HS3ST4: variants seen among roughly 807,000 people sequenced by gnomAD.
HS3ST4 encodes the protein heparan sulfate glucosamine 3-O-sulfotransferase 4.
Under a neutral mutation model 29.2 loss-of-function variants are expected in HS3ST4, and 17 were observed. The observed-to-expected ratio is 0.58, with a 90% CI of 0.40 to 0.87. The LOEUF (loss-of-function observed/expected upper bound fraction) is 0.87. Among genes scored for constraint, HS3ST4 ranks in the 40% least tolerant of loss-of-function variants. The probability of loss-of-function intolerance (pLI) is 0.00; values close to 1 mark genes in which losing one functional copy is unlikely to be tolerated. For missense variants in HS3ST4, 627 were observed against 634.5 expected, an observed-to-expected ratio of 0.99 and a Z score of 0.13; for synonymous variants, 314 against 285.7, an observed-to-expected ratio of 1.10 and a Z score of -1.00.
chr16:25,886,223 G>T (rs1194446012), intron 1 of HS3ST4, among the ~76,000 whole-genome samples: 1 of 151,806 alleles, frequency 6.6e-6, no homozygotes, highest in Non-Finnish European at 1.5e-5. Context: ...AGTAGAGATG[G>T]GGTTTCACCA....
At chr16:25,784,864 A>G (rs1224161112) in intron 1 of HS3ST4, among the ~76,000 whole-genome samples, 13 of 152,254 alleles carry the variant, frequency 8.5e-5, no homozygotes, top group Admixed American at 6.5e-4. Context: ...ATTCTATTGG[A>G]AGAAGATGCC....
intron 1 of HS3ST4, among the ~76,000 whole-genome samples, chr16:25,726,622 T>C (rs1014258426): frequency 2.5e-5 from 2 of 79,450 alleles, no homozygotes; most frequent in Admixed American, 3.3e-4. Context: ...GCCAGCTTTG[T>C]CTGGATATGC....
At chr16:25,947,396 A>G (rs1234449700) in intron 1 of HS3ST4, among the ~76,000 whole-genome samples, 1 of 152,162 alleles carries the variant, frequency 6.6e-6, no homozygotes, top group Non-Finnish European at 1.5e-5. Context: ...CAAAAACTCC[A>G]AATCTCAATG....
intron 1 of HS3ST4, among the ~76,000 whole-genome samples, chr16:25,848,855 G>A (rs1458659352): frequency 1.3e-5 from 2 of 151,416 alleles, no homozygotes; most frequent in Non-Finnish European, 2.9e-5. Context: ...AGCTTCCTGA[G>A]TTGAATGTTT....
Position 25,999,202 on chromosome 16 carries a change from T to C in HS3ST4, c.735-136410T>C, listed in dbSNP as rs1222456335. On this transcript the variant is annotated intron_variant, in intron 1 of 1. Transcript: ENST00000331351. ...GTTCACCTTAGGCAGGTGAGGCAGG[T>C]TGTACACTAATTCTAAAGGACACCA... Among the ~76,000 whole-genome samples the C allele has an allele frequency of 6.6e-5, 10 of 152,244 alleles. No homozygotes were observed. In the East Asian group the frequency reaches 1.9e-3, roughly 29 times the overall value.
At chr16:25,904,135 GA>G (rs1968152953) in intron 1 of HS3ST4, among the ~76,000 whole-genome samples, 1 of 120,040 alleles carries the variant, frequency 8.3e-6, no homozygotes, top group African/African-American at 3.4e-5. Context: ...TGGATGGATG[GA>G]TGGATGGATG....
chr16:25,823,022 A>T (rs1157271178), intron 1 of HS3ST4, among the ~76,000 whole-genome samples: 1 of 152,090 alleles, frequency 6.6e-6, no homozygotes, highest in Non-Finnish European at 1.5e-5. Context: ...ACAGGCGTGA[A>T]CCACTGCACC....
At chr16:25,728,953 T>A (rs1269236167) in intron 1 of HS3ST4, among the ~76,000 whole-genome samples, 1 of 151,950 alleles carries the variant, frequency 6.6e-6, no homozygotes, top group Non-Finnish European at 1.5e-5. Flanking sequence ...TATGGTGGCC[T>A]GTGCCTGTAG....
At chr16:25,947,404 A>G (rs974428528) in intron 1 of HS3ST4, among the ~76,000 whole-genome samples, 1 of 152,148 alleles carries the variant, frequency 6.6e-6, no homozygotes. Context: ...CCAAATCTCA[A>G]TGGCCCACAA....
chr16:25,964,637 G>T (rs930752499), intron 1 of HS3ST4, among the ~76,000 whole-genome samples: 7 of 152,144 alleles, frequency 4.6e-5, no homozygotes, highest in African/African-American at 9.7e-5. Flanking sequence ...GACAAGGCTG[G>T]CTCCAAAGCC....
chr16:26,061,998 T>G (rs1898481608), intron 1 of HS3ST4, among the ~76,000 whole-genome samples: 1 of 152,250 alleles, frequency 6.6e-6, no homozygotes, highest in Non-Finnish European at 1.5e-5. Context: ...TGAATCATTC[T>G]GTGGCCAGGG....
intron 1 of HS3ST4, among the ~76,000 whole-genome samples, chr16:25,772,134 G>A (rs1166573614): frequency 6.6e-6 from 1 of 152,194 alleles, no homozygotes; most frequent in Admixed American, 6.5e-5. Context: ...TGGAACACAA[G>A]CTGTAGCCCG....
Position 25,925,991 on chromosome 16 carries a change from T to C in HS3ST4, c.735-209621T>C, listed in dbSNP as rs146024806. Among the ~76,000 whole-genome samples, 458 of 152,244 alleles carry C rather than the reference T, an allele frequency of 3.0e-3. 1 individual carries two copies. Among genetic ancestry groups the C allele is most frequent in the Admixed American group, 6.7e-3 (102 of 15,284 alleles). Reference sequence around the variant, plus strand: ...GTCTGGACAGAAGCCAAATCCTTCCTATCTGTATAGTGAATATTAACCATC... The same window carrying C: ...GTCTGGACAGAAGCCAAATCCTTCCCATCTGTATAGTGAATATTAACCATC... On this transcript the variant is annotated intron_variant, in intron 1 of 1. Coordinates refer to ENST00000331351, the MANE Select transcript of HS3ST4 (RefSeq NM_006040.3).
chr16:26,068,821 A>G (rs1042877079), intron 1 of HS3ST4, among the ~76,000 whole-genome samples: 2 of 151,762 alleles, frequency 1.3e-5, no homozygotes, highest in African/African-American at 4.8e-5. Context: ...ATGTAGGTGA[A>G]TTGTTTGATT....
chr16:26,120,065 G>GTGTA (rs199722967), intron 1 of HS3ST4, among the ~76,000 whole-genome samples: 26 of 134,146 alleles, frequency 1.9e-4, no homozygotes, highest in African/African-American at 5.5e-4. Flanking sequence ...GTGTGTGTGT[G>GTGTA]TGTGTATGTG....
intron 1 of HS3ST4, among the ~76,000 whole-genome samples, chr16:25,817,433 T>C (rs1022910509): frequency 2.6e-5 from 4 of 152,234 alleles, no homozygotes; most frequent in African/African-American, 7.2e-5. Flanking sequence ...TCTGCTGTTA[T>C]AGTGTAAAAT....
intron 1 of HS3ST4, among the ~76,000 whole-genome samples, chr16:25,711,089 G>A (rs890178311): frequency 6.6e-6 from 1 of 151,910 alleles, no homozygotes; most frequent in Admixed American, 6.6e-5. Context: ...TCCCAAAGGG[G>A]CTGGGATTAC....
At chr16:26,118,619 T>C (rs1209460662) in intron 1 of HS3ST4, among the ~76,000 whole-genome samples, 2 of 152,212 alleles carry the variant, frequency 1.3e-5, no homozygotes, top group African/African-American at 2.4e-5. Context: ...TAATAGCTAC[T>C]TGTGGCTAGT....
At chr16:25,750,315 C>T (rs982237516) in intron 1 of HS3ST4, among the ~76,000 whole-genome samples, 3 of 152,142 alleles carry the variant, frequency 2.0e-5, no homozygotes, top group Non-Finnish European at 2.9e-5. Flanking sequence ...AGTTAGAAGC[C>T]GCATGATCTT....
Sources: gnomAD v4.1 joint callset for allele counts (sites outside exome capture counted in the v4.1 genomes callset) on GRCh38, gnomAD v4.1.1 for gene constraint, MANE v1.5 for transcripts, NCBI Gene and HGNC (gene_info 2026-07-23, HGNC 2026-07-21) for gene names.